The following ENOX2 variants were observed in gnomAD, a reference collection of about 807,000 sequenced individuals.
ENOX2 encodes the protein ecto-NOX disulfide-thiol exchanger 2.
In ENOX2, 36 loss-of-function variants were observed where a neutral mutation model predicts 45.0. That is an observed-to-expected ratio of 0.80 (90% CI 0.61 to 1.06). The LOEUF (loss-of-function observed/expected upper bound fraction) is 1.06, where lower values mean the gene tolerates loss of function less well. Among genes scored for constraint, ENOX2 ranks in the 50% least tolerant of loss-of-function variants. ENOX2 has a pLI of 0.00. For synonymous variants in ENOX2, 174 were observed against 152.3 expected (o/e 1.14, Z -1.05); for missense variants, 423 against 462.5 (o/e 0.91, Z 0.78).
At chrX:130,646,027 G>A in intron 10 of ENOX2, 2 of 575,556 alleles carry the variant, frequency 3.5e-6, no homozygotes, top group South Asian at 2.2e-5. Flanking sequence ...CTGGTGAATG[G>A]CTGCTGTAAC....
intron 2 of ENOX2, among the ~76,000 whole-genome samples, chrX:130,898,736 CTTTTTTTT>C (rs58534541): frequency 1.0e-5 from 1 of 95,324 alleles, no homozygotes; most frequent in East Asian, 3.3e-4. Context: ...TCTTTTTTTT[CTTTTTTTT>C]TTTTTTGTTG....
intron 4 of ENOX2, among the ~76,000 whole-genome samples, chrX:130,702,863 C>G (rs2037934901): frequency 9.0e-6 from 1 of 111,644 alleles, no homozygotes; most frequent in African/African-American, 3.3e-5. Context: ...ATCCTGTTGC[C>G]TTGTATTTCA....
intron 3 of ENOX2, among the ~76,000 whole-genome samples, chrX:130,730,492 G>C (rs1002292841): frequency 8.9e-6 from 1 of 112,171 alleles, no homozygotes; most frequent in South Asian, 3.7e-4. Context: ...GTACTGACAG[G>C]AGGAGAAGCC....
intron 8 of ENOX2, 39 bp from the exon 9 acceptor site, chrX:130,665,788 T>C (rs1477768390): frequency 1.2e-6 from 1 of 831,573 alleles, no homozygotes; most frequent in African/African-American, 2.0e-5. Context: ...GGCCAGGGTA[T>C]CATCCAGGGA....
intron 3 of ENOX2, among the ~76,000 whole-genome samples, chrX:130,737,053 C>T (rs1422589918): frequency 8.9e-6 from 1 of 112,118 alleles, no homozygotes; most frequent in Non-Finnish European, 1.9e-5. Flanking sequence ...CTTCCTGTAG[C>T]CCATCCGTAC....
intron 2 of ENOX2, among the ~76,000 whole-genome samples, chrX:130,853,151 C>A (rs2078241209): frequency 9.1e-6 from 1 of 109,369 alleles, no homozygotes. Context: ...CCTAGAAATG[C>A]CAATGGGCAG....
At chrX:130,688,791 T>C in intron 5 of ENOX2, 72 bp downstream of exon 5, 2 of 872,125 alleles carry the variant, frequency 2.3e-6, no homozygotes, top group South Asian at 2.8e-5. Context: ...TGGGTATTCT[T>C]TTGAGAAAGA....
chrX:130,832,943 C>T (rs1489791660), intron 2 of ENOX2, among the ~76,000 whole-genome samples: 3 of 107,473 alleles, frequency 2.8e-5, no homozygotes, highest in Non-Finnish European at 5.8e-5. Context: ...AACTGGTGGG[C>T]CAGATAAACA....
At chrX:130,897,092 G>A (rs1205764690) in intron 2 of ENOX2, among the ~76,000 whole-genome samples, 1 of 111,650 alleles carries the variant, frequency 9.0e-6, no homozygotes, top group East Asian at 2.8e-4. Context: ...CAATGACATC[G>A]GCTCCCATGA....
At chrX:130,840,252 GTACAGA>G (rs1445957043) in intron 2 of ENOX2, among the ~76,000 whole-genome samples, 2 of 111,322 alleles carry the variant, frequency 1.8e-5, no homozygotes, top group Non-Finnish European at 3.8e-5. Context: ...TTTAGATGAA[GTACAGA>G]TACATTTTTT....
At chrX:130,722,149 CGA>C (rs1251353996) in intron 3 of ENOX2, among the ~76,000 whole-genome samples, 1 of 111,460 alleles carries the variant, frequency 9.0e-6, no homozygotes, top group Non-Finnish European at 1.9e-5. Context: ...TGAGCTGGAA[CGA>C]GAGAGCCTGT....
chrX:130,700,329 C>A (rs2037867072), intron 4 of ENOX2, among the ~76,000 whole-genome samples: 2 of 112,526 alleles, frequency 1.8e-5, no homozygotes, highest in Middle Eastern at 4.6e-3. Context: ...CTAATACCAG[C>A]ATTTCCATGA....
rs758142723 is a variant in ENOX2, at chrX:130,711,659, T to C, written c.-38-8405A>G. 5.4e-5 allele frequency among the ~76,000 whole-genome samples: 6 copies of C among 110,447 alleles called. No homozygotes were observed. The East Asian group carries it at 1.7e-3, about 32-fold the overall frequency. ...AGTTGTGAGTGTGGCAGGGTGGGAGTTGGAAGAGAATAGCTTGATCTTCAA... is the reference window on the plus strand; with the variant it reads ...AGTTGTGAGTGTGGCAGGGTGGGAGCTGGAAGAGAATAGCTTGATCTTCAA... On this transcript the variant is annotated intron_variant, in intron 3 of 14. Transcript: ENST00000394363.
At chrX:130,738,385 T>C (rs2038908146) in intron 3 of ENOX2, among the ~76,000 whole-genome samples, 1 of 112,293 alleles carries the variant, frequency 8.9e-6, no homozygotes, top group Non-Finnish European at 1.9e-5. Flanking sequence ...ATCTCAAATG[T>C]ATAACTTAAA....
At chrX:130,675,666 A>AG (rs2037128567) in intron 6 of ENOX2, among the ~76,000 whole-genome samples, 1 of 111,710 alleles carries the variant, frequency 9.0e-6, no homozygotes, top group Admixed American at 9.5e-5. Flanking sequence ...ATTTATGTAA[A>AG]GTTCTAGAAA....
intron 3 of ENOX2, among the ~76,000 whole-genome samples, chrX:130,742,245 CTTTTTTT>C (rs67776619): frequency 1.8e-3 from 106 of 60,115 alleles, no homozygotes; most frequent in South Asian, 0.011. Context: ...AGATAATTTC[CTTTTTTT>C]TTTTTTTTTT....
chrX:130,659,941 T>A (rs1213955775), intron 9 of ENOX2, among the ~76,000 whole-genome samples: 1 of 112,215 alleles, frequency 8.9e-6, no homozygotes, highest in Admixed American at 9.5e-5. Flanking sequence ...GTTAAAAAAA[T>A]ATGTGATACA....
chrX:130,634,424 G>A (rs762607661), intron 12 of ENOX2, among the ~76,000 whole-genome samples: 3 of 111,684 alleles, frequency 2.7e-5, no homozygotes, highest in Non-Finnish European at 5.6e-5. Flanking sequence ...TTATTGCTGA[G>A]AGCTCTCAAT....
intron 3 of ENOX2, among the ~76,000 whole-genome samples, chrX:130,750,913 TC>T (rs2039204607): frequency 9.0e-6 from 1 of 111,030 alleles, no homozygotes; most frequent in African/African-American, 3.3e-5. Context: ...TATCCATATC[TC>T]TCTCATTCTA....
Sources: gnomAD v4.1 joint callset for allele counts (sites outside exome capture counted in the v4.1 genomes callset) on GRCh38, gnomAD v4.1.1 for gene constraint, MANE v1.5 for transcripts, NCBI Gene and HGNC (gene_info 2026-07-23, HGNC 2026-07-21) for gene names.